The following DOCK3 variants were observed in gnomAD, a reference collection of about 807,000 sequenced individuals.
DOCK3 encodes dedicator of cytokinesis protein 3.
DOCK3 carries 60 observed loss-of-function variants against 265.6 expected under a neutral mutation model. The ratio of observed to expected loss-of-function variants is 0.23; its 90% confidence interval spans 0.18 to 0.28. DOCK3 has a LOEUF of 0.28. Among genes scored for constraint, DOCK3 ranks in the 10% least tolerant of loss-of-function variants. The pLI is 1.00. For missense variants in DOCK3, 1,981 were observed against 2,594.3 expected, an observed-to-expected ratio of 0.76 and a Z score of 5.14; for synonymous variants, 881 against 938.0, an observed-to-expected ratio of 0.94 and a Z score of 1.11.
intron 14 of DOCK3, among the ~76,000 whole-genome samples, chr3:51,222,338 C>T (rs929853602): frequency 3.9e-5 from 6 of 152,142 alleles, no homozygotes; most frequent in African/African-American, 1.4e-4. Context: ...ATAGGGACAG[C>T]TGAAGAGTGG....
intron 12 of DOCK3, among the ~76,000 whole-genome samples, chr3:51,197,409 G>A (rs2088373228): frequency 6.6e-6 from 1 of 152,170 alleles, no homozygotes; most frequent in Non-Finnish European, 1.5e-5. Flanking sequence ...TAGCGGTAGT[G>A]GGACAACTCT....
intron 2 of DOCK3, chr3:50,787,721 T>C (rs1427921702): frequency 6.4e-6 from 8 of 1,256,928 alleles, no homozygotes; most frequent in African/African-American, 1.5e-5. Context: ...CTCATTCTTC[T>C]TTCTGTAACG....
intron 12 of DOCK3, among the ~76,000 whole-genome samples, chr3:51,191,450 C>CTACTTTTA (rs1234842343): frequency 7.2e-5 from 11 of 152,130 alleles, no homozygotes; most frequent in Admixed American, 7.2e-4. Flanking sequence ...CCTGCTGCTC[C>CTACTTTTA]TACTTTTATA....
At chr3:51,003,865 C>G (rs1379040107) in intron 5 of DOCK3, among the ~76,000 whole-genome samples, 3 of 152,156 alleles carry the variant, frequency 2.0e-5, no homozygotes, top group African/African-American at 2.4e-5. Context: ...GGGGGAAAAA[C>G]TGCTAGCCAC....
At chr3:51,109,991 C>T (rs577897249) in intron 9 of DOCK3, among the ~76,000 whole-genome samples, 5 of 151,906 alleles carry the variant, frequency 3.3e-5, no homozygotes, top group African/African-American at 7.2e-5. Flanking sequence ...TACCACTCAC[C>T]GCATAGAAAT....
chr3:51,338,472 C>G (rs2085010902), intron 36 of DOCK3, 53 bp downstream of exon 36: 1 of 1,540,876 alleles, frequency 6.5e-7, no homozygotes, highest in African/African-American at 1.4e-5. Context: ...GGTTTCTGTC[C>G]TGCACTGTGA....
intron 30 of DOCK3, 112 bp from the exon 31 acceptor site, chr3:51,312,732 A>G: frequency 2.3e-6 from 3 of 1,291,080 alleles, no homozygotes; most frequent in Non-Finnish European, 3.2e-6. Context: ...GGCTTAGCGC[A>G]TTGGGAAGCA....
In DOCK3 at chr3:51,361,564, T is replaced by G. The variant is rs1308480322; in HGVS notation, c.5007-295T>G. ...TTGACCTGATTTGGCATATCTCTTA[T>G]TCCTCCTGAGAAACTGCTAATGTCA... On this transcript the variant is annotated intron_variant, in intron 47 of 52. Transcript: ENST00000266037. This position sits in a 1 kb window ranked among gnomAD's most constrained non-coding sequence, Gnocchi z 4.2. 6.6e-6 allele frequency among the ~76,000 whole-genome samples: 1 copy of G among 152,138 alleles called. No homozygotes were observed. Among genetic ancestry groups the G allele is most frequent in the African/African-American group, 2.4e-5 (1 of 41,424 alleles).
chr3:51,133,919 A>G (rs1167193595), intron 9 of DOCK3, among the ~76,000 whole-genome samples: 1 of 151,846 alleles, frequency 6.6e-6, no homozygotes, highest in African/African-American at 2.4e-5. Context: ...TTTTCTACTC[A>G]TCTCCCTCCT....
chr3:51,147,687 T>C (rs1006519395), intron 10 of DOCK3, among the ~76,000 whole-genome samples: 5 of 152,252 alleles, frequency 3.3e-5, no homozygotes, highest in African/African-American at 1.2e-4. Flanking sequence ...TTTTTATGGC[T>C]GAATAGTATT....
At chr3:51,220,046 T>C (rs2108289550) in intron 14 of DOCK3, among the ~76,000 whole-genome samples, 1 of 152,332 alleles carries the variant, frequency 6.6e-6, no homozygotes, top group South Asian at 2.1e-4. Flanking sequence ...AGAATCCTTC[T>C]TTCCTGGGTA....
At chr3:51,150,003 G>A (rs2085500995) in intron 10 of DOCK3, among the ~76,000 whole-genome samples, 1 of 152,132 alleles carries the variant, frequency 6.6e-6, no homozygotes, top group Non-Finnish European at 1.5e-5. Flanking sequence ...ATTAATTATT[G>A]CCTCAATTTT....
chr3:51,002,265 A>G (rs577649950), intron 5 of DOCK3, among the ~76,000 whole-genome samples: 1 of 152,218 alleles, frequency 6.6e-6, no homozygotes, highest in African/African-American at 2.4e-5. Context: ...TCCTTTGTAT[A>G]TCCTCTCTAG....
chr3:50,918,391 T>A (rs2050247069), intron 4 of DOCK3, among the ~76,000 whole-genome samples: 1 of 152,156 alleles, frequency 6.6e-6, no homozygotes, highest in African/African-American at 2.4e-5. Flanking sequence ...GTAAGAGTGT[T>A]CCTATTTCTC....
chr3:50,798,835 T>C (rs1210492261), intron 2 of DOCK3, among the ~76,000 whole-genome samples: 2 of 152,212 alleles, frequency 1.3e-5, no homozygotes, highest in Non-Finnish European at 2.9e-5. Flanking sequence ...TGTTTACTTA[T>C]AGTAGTTTTA....
At chr3:50,994,884 T>C (rs144914017) in intron 5 of DOCK3, among the ~76,000 whole-genome samples, 207 of 152,354 alleles carry the variant, frequency 1.4e-3, no homozygotes, top group South Asian at 4.6e-3. Flanking sequence ...TTACCTGTTA[T>C]CATCATTGTT....
chr3:51,330,008 C>T lies in DOCK3; in HGVS notation c.3403-130C>T, dbSNP rs146888676. 51 of 895,284 alleles carry T rather than the reference C, an allele frequency of 5.7e-5. No individual in the cohort carries two copies. The East Asian group carries it at 1.3e-3, about 23-fold the overall frequency. 55.5% of individuals were successfully genotyped at this position (895,284 alleles called of 1,614,324 possible). On this transcript the variant is annotated intron_variant, in intron 32 of 52. Coordinates refer to ENST00000266037, the MANE Select transcript of DOCK3 (RefSeq NM_004947.5). ...TGCTATAGGTAAAATACTACCTTCC[C>T]TGGGATTTCTTTGGAGCAAGGACAG...
chr3:50,713,562 T>A (rs2036903703), intron 1 of DOCK3, among the ~76,000 whole-genome samples: 1 of 152,150 alleles, frequency 6.6e-6, no homozygotes, highest in African/African-American at 2.4e-5. Flanking sequence ...ACATTCAGTG[T>A]TTCAAGTACA....
At chr3:50,823,507 C>G (rs970860120) in intron 2 of DOCK3, among the ~76,000 whole-genome samples, 1 of 152,158 alleles carries the variant, frequency 6.6e-6, no homozygotes, top group African/African-American at 2.4e-5. Flanking sequence ...CAACAGGATC[C>G]CAAGGCAGAA....
Sources: allele counts gnomAD v4.1 joint callset (sites outside exome capture counted in the v4.1 genomes callset), GRCh38; gene constraint gnomAD v4.1.1; non-coding constraint Gnocchi (gnomAD v3.1); transcripts MANE v1.5; gene names NCBI Gene and HGNC (gene_info 2026-07-23, HGNC 2026-07-21).